ANO3: variants seen among roughly 807,000 people sequenced by gnomAD.
The protein encoded by ANO3 is anoctamin-3.
In ANO3, 99 loss-of-function variants were observed where a neutral mutation model predicts 144.8. That is an observed-to-expected ratio of 0.68 (90% CI 0.58 to 0.81). ANO3 has a LOEUF of 0.81. ANO3 is among the 30% of genes least tolerant of loss of function. The pLI, the probability that ANO3 is intolerant of heterozygous loss-of-function variation, is 0.00. For synonymous variants in ANO3, 414 were observed against 392.6 expected (o/e 1.05, Z -0.64); for missense variants, 905 against 1,202.2 (o/e 0.75, Z 3.66).
chr11:26,404,266 T>A (rs1857221118), intron 1 of ANO3, among the ~76,000 whole-genome samples: 2 of 151,836 alleles, frequency 1.3e-5, no homozygotes, highest in Non-Finnish European at 2.9e-5. Context: ...CATAAAACTC[T>A]ATTTAGGTCA....
intron 14 of ANO3, among the ~76,000 whole-genome samples, chr11:26,570,273 T>C (rs1486507965): frequency 6.6e-6 from 1 of 152,098 alleles, no homozygotes; most frequent in Non-Finnish European, 1.5e-5. Context: ...TTCACATTAT[T>C]ACTTTTGTAT....
At chr11:26,578,693 G>A (rs989126779) in intron 14 of ANO3, among the ~76,000 whole-genome samples, 2 of 152,194 alleles carry the variant, frequency 1.3e-5, no homozygotes, top group African/African-American at 4.8e-5. Context: ...TAGACCACTT[G>A]TGCATGTTCA....
intron 11 of ANO3, among the ~76,000 whole-genome samples, chr11:26,546,562 T>C (rs1215268601): frequency 6.6e-6 from 1 of 152,016 alleles, no homozygotes; most frequent in African/African-American, 2.4e-5. Context: ...CTTTAGAAGA[T>C]GGAGACCAAA....
intron 1 of ANO3, among the ~76,000 whole-genome samples, chr11:26,385,028 G>T (rs999167179): frequency 6.6e-6 from 1 of 151,896 alleles, no homozygotes; most frequent in African/African-American, 2.4e-5. Flanking sequence ...ATATAGCTTG[G>T]CTAAATCCTA....
At chr11:26,497,057 T>A (rs993731661) in intron 4 of ANO3, among the ~76,000 whole-genome samples, 1 of 149,772 alleles carries the variant, frequency 6.7e-6, no homozygotes, top group Admixed American at 6.7e-5. Flanking sequence ...CTACATTTTC[T>A]CTCTCTATAT....
chr11:26,287,381 T>G (rs1853832882), intron 1 of ANO3: 1 of 152,332 alleles, frequency 6.6e-6, no homozygotes, highest in Middle Eastern at 3.4e-3. Flanking sequence ...ATTCATTTAC[T>G]ATTTACAACA....
intron 4 of ANO3, among the ~76,000 whole-genome samples, chr11:26,504,050 A>T (rs1861308931): frequency 6.6e-6 from 1 of 152,162 alleles, no homozygotes; most frequent in Non-Finnish European, 1.5e-5. Flanking sequence ...ACTTTAAGAA[A>T]ACGTGGAAGA....
chr11:26,560,952 T>G, intron 14 of ANO3: 1 of 1,029,710 alleles, frequency 9.7e-7, no homozygotes, highest in African/African-American at 1.7e-5. Flanking sequence ...TTTATGATTC[T>G]CCTTGACAAA....
At chr11:26,595,534 G>A (rs1286295833) in intron 14 of ANO3, among the ~76,000 whole-genome samples, 1 of 127,508 alleles carries the variant, frequency 7.8e-6, no homozygotes. Context: ...CAGCTCACAC[G>A]TTTGAGCAGA....
intron 14 of ANO3, chr11:26,563,123 A>C (rs968651167): frequency 3.0e-5 from 48 of 1,611,332 alleles, no homozygotes; most frequent in Non-Finnish European, 3.7e-5. Context: ...TACCTGGTTC[A>C]TTTCTGTCGT....
At chr11:26,356,324 A>G (rs1855782816) in intron 1 of ANO3, among the ~76,000 whole-genome samples, 1 of 152,178 alleles carries the variant, frequency 6.6e-6, no homozygotes. Flanking sequence ...CCATGAAACC[A>G]CAATCACAAT....
chr11:26,379,329 A>C (rs1350265826), intron 1 of ANO3, among the ~76,000 whole-genome samples: 3 of 152,220 alleles, frequency 2.0e-5, no homozygotes, highest in African/African-American at 7.2e-5. Flanking sequence ...TTGTTTAAAC[A>C]GTAGTGTGAT....
At chr11:26,516,963 A>ATAT (rs1861887209) in intron 6 of ANO3, 36 bp downstream of exon 6, 13 of 1,278,890 alleles carry the variant, frequency 1.0e-5, no homozygotes, top group Non-Finnish European at 1.5e-5. Flanking sequence ...ATCTCAATAT[A>ATAT]TATTAAAATG....
chr11:26,606,683 C>G (rs1056099592), intron 17 of ANO3, among the ~76,000 whole-genome samples: 1 of 151,886 alleles, frequency 6.6e-6, no homozygotes, highest in Admixed American at 6.6e-5. Flanking sequence ...AGATAGGTCT[C>G]CTGAATATAG....
intron 1 of ANO3, among the ~76,000 whole-genome samples, chr11:26,366,550 G>T (rs990021178): frequency 2.0e-5 from 3 of 152,060 alleles, no homozygotes; most frequent in Middle Eastern, 3.2e-3. Context: ...CTGAGGAATC[G>T]CCACAGTCTT....
chr11:26,428,036 G>T (rs192597874), intron 1 of ANO3, among the ~76,000 whole-genome samples: 1 of 152,256 alleles, frequency 6.6e-6, no homozygotes, highest in East Asian at 1.9e-4. Flanking sequence ...GAAGAGATTT[G>T]GGTGGGGACA....
intron 1 of ANO3, among the ~76,000 whole-genome samples, chr11:26,342,790 G>C (rs934098351): frequency 6.6e-6 from 1 of 152,010 alleles, no homozygotes; most frequent in African/African-American, 2.4e-5. Context: ...CCACTAACTG[G>C]TTGGTTTCAC....
intron 1 of ANO3, among the ~76,000 whole-genome samples, chr11:26,286,392 A>G (rs1853808006): frequency 6.6e-6 from 1 of 152,190 alleles, no homozygotes; most frequent in Non-Finnish European, 1.5e-5. Flanking sequence ...TGTTGGAAAA[A>G]TGTTTAAATT....
rs1235312362 is a variant in ANO3 at position 26,194,491 on chromosome 11, A to G, written c.154+5161A>G. 5.6e-3 allele frequency among the ~76,000 whole-genome samples: 143 copies of G among 25,394 alleles called. 1 individual carries two copies. Among genetic ancestry groups the G allele is most frequent in the Middle Eastern group, 0.029 (2 of 68 alleles). The allele number at this position is 25,394 out of a possible 152,430, so 16.7% of individuals were successfully genotyped here. A position where few individuals can be genotyped will look rare whatever the true frequency, so the allele number is the denominator to read the frequency against. On this transcript the variant is annotated intron_variant, in intron 1 of 27. Coordinates refer to the ANO3 transcript ENST00000672621. The stretch of plus-strand genomic sequence containing the variant: ...GTGTGTGTGTGTGTGTGTGTGTATT[A>G]TTTATTTATTTATTTATTTATTATT...
Sources: gnomAD v4.1 joint callset for allele counts (sites outside exome capture counted in the v4.1 genomes callset) on GRCh38, gnomAD v4.1.1 for gene constraint, MANE v1.5 for transcripts, NCBI Gene and HGNC (gene_info 2026-07-23, HGNC 2026-07-21) for gene names.